TARS3: variants seen among roughly 807,000 people sequenced by gnomAD.
The protein encoded by TARS3 is threonyl-tRNA synthetase 3.
In TARS3, 94 loss-of-function variants were observed where a neutral mutation model predicts 103.5. That is an observed-to-expected ratio of 0.91 (90% CI 0.77 to 1.08). The LOEUF is 1.08. TARS3 is among the 50% of genes least tolerant of loss of function. The pLI, the probability that TARS3 is intolerant of heterozygous loss-of-function variation, is 0.00. For synonymous variants in TARS3, 416 were observed against 355.4 expected (o/e 1.17, Z -1.92); for missense variants, 952 against 995.2 (o/e 0.96, Z 0.58).
chr15:101,721,160 T>C lies in TARS3; in HGVS notation c.532A>G (p.Lys178Glu), dbSNP rs1232526295. The change falls in exon 3 of 19, where the codon AAA (lysine) becomes GAA (glutamate). Residue 178 changes from lysine to glutamate, a missense_variant. Transcript: ENST00000335968. ...DGQTVQGEVW[K>E]TTPYQVAAEI... ...GCAGCCACTTGGTAAGGCGTTGTTT[T>C]CCAGACTTCCCCTTGCACTGTTTGC... 6.2e-7 allele frequency: 1 copy of C among 1,604,302 alleles called. No homozygotes were observed. Among genetic ancestry groups the C allele is most frequent in the Admixed American group, 1.7e-5 (1 of 59,888 alleles).
chr15:101,715,028 A>C lies in TARS3; in HGVS notation c.567-65T>G, dbSNP rs894143037. 5 of 1,469,350 alleles carry C rather than the reference A, an allele frequency of 3.4e-6. No individual in the cohort carries two copies. In the African/African-American group the frequency reaches 5.7e-5, roughly 17 times the overall value. The allele number at this position is 1,469,350 out of a possible 1,614,324, so 91.0% of individuals were successfully genotyped here. A position where few individuals can be genotyped will look rare whatever the true frequency, so the allele number is the denominator to read the frequency against. ...TGTTACAATGATTCCTTAAAATATTAAAAGAATTTCTAGGGTTTTTTTTTT... is the reference window on the plus strand; with the variant it reads ...TGTTACAATGATTCCTTAAAATATTCAAAGAATTTCTAGGGTTTTTTTTTT... On this transcript the variant is annotated intron_variant, in intron 3 of 18. Transcript: ENST00000335968.
At position 101,714,864 on chromosome 15, in the gene TARS3, T is replaced by C. The variant is rs761802661; in HGVS notation, c.666A>G (p.Thr222=). The change falls in exon 4 of 19, where the codon ACA becomes ACG. Residue 222 remains threonine (T), a synonymous_variant. Coordinates refer to ENST00000335968, the MANE Select transcript of TARS3 (RefSeq NM_152334.3). ...CAGCTTGAGCTTCCTCATTATCAAA[T>C]GTAAGCAGCTCTAGAGAAGAGTCCC... ...LEGDSSLELL[T]FDNEEAQAVY... 7.5e-6 allele frequency: 12 copies of C among 1,610,576 alleles called. 1 individual carries two copies. In the South Asian group the frequency reaches 1.2e-4, roughly 16 times the overall value.
intron 10 of TARS3, among the ~76,000 whole-genome samples, chr15:101,687,528 T>C (rs781334686): frequency 1.3e-5 from 2 of 152,042 alleles, no homozygotes; most frequent in Non-Finnish European, 2.9e-5. Flanking sequence ...AGTGTGTGGG[T>C]GTGTGTGTGG....
chr15:101,690,211 G>A (rs538169668), intron 10 of TARS3, among the ~76,000 whole-genome samples: 1 of 152,188 alleles, frequency 6.6e-6, no homozygotes, highest in African/African-American at 2.4e-5. Context: ...CCTCATCTTG[G>A]CCCATTTTCC....
At chr15:101,717,815 T>C (rs549469306) in intron 3 of TARS3, among the ~76,000 whole-genome samples, 58 of 152,352 alleles carry the variant, frequency 3.8e-4, no homozygotes, top group South Asian at 2.9e-3. Context: ...TTTGACCATA[T>C]TCAAGCGACT....
intron 13 of TARS3, among the ~76,000 whole-genome samples, chr15:101,674,418 T>C (rs1320534933): frequency 6.6e-6 from 1 of 152,164 alleles, no homozygotes; most frequent in East Asian, 1.9e-4. Context: ...AAATCTTCTA[T>C]CCATTGGGTA....
At position 101,724,459 on chromosome 15, in the gene TARS3, C is replaced by A. The variant is rs556054057; in HGVS notation, c.-72G>T. On this transcript the variant is annotated 5_prime_UTR_variant, in exon 1 of 19. Transcript: ENST00000335968. ...CGGCGAGGGCGACGCGGACACTCAG[C>A]GCACGGCAGAAGACAGGGCTCCCGG... The A allele has an allele frequency of 3.2e-5, 43 of 1,350,172 alleles. No homozygotes were observed. The East Asian group carries it at 1.1e-3, about 36-fold the overall frequency. 83.6% of individuals were successfully genotyped at this position (1,350,172 alleles called of 1,614,324 possible).
At chr15:101,710,277 T>C (rs1420887566) in intron 5 of TARS3, among the ~76,000 whole-genome samples, 2 of 152,172 alleles carry the variant, frequency 1.3e-5, no homozygotes, top group Admixed American at 6.5e-5. Context: ...AGGCTGTTCA[T>C]CTCTATCCTT....
chr15:101,671,507 C>T lies in TARS3; in HGVS notation c.1946G>A (p.Arg649Lys). The change falls in exon 15 of 19, where the codon AGA becomes AAA. Residue 649 changes from arginine (R) to lysine (K), a missense_variant. Around this residue, in one of 2 missense-constraint regions of TARS3, gnomAD observed 540 missense variants for 631.0 expected, o/e 0.86. Transcript: ENST00000335968. ...TIQLDFQLPI[R>K]FNLTYVSKDG... ...TCACCTAACATATGTGAGATTAAAT[C>T]TAATAGGCAGTTGGAAGTCCAGCTG... is the stretch of plus-strand genomic sequence containing the variant. 1 of 1,609,068 alleles carries T rather than the reference C, an allele frequency of 6.2e-7. No homozygotes were observed. The highest frequency in any genetic ancestry group is 8.5e-7 in the Non-Finnish European group (1 of 1,175,732).
intron 15 of TARS3, among the ~76,000 whole-genome samples, chr15:101,664,689 C>T (rs1418328244): frequency 1.3e-5 from 2 of 152,196 alleles, no homozygotes; most frequent in Non-Finnish European, 2.9e-5. Context: ...CATCTCATAA[C>T]ATAATATTCA....
At position 101,711,991 on chromosome 15, in the gene TARS3, T is replaced by C; in HGVS notation, c.701A>G (p.His234Arg). The C allele has an allele frequency of 6.2e-7, 1 of 1,612,996 alleles. No homozygotes were observed. The highest frequency in any genetic ancestry group is 1.1e-5 in the South Asian group (1 of 90,926). The stretch of plus-strand genomic sequence containing the variant: ...CTCCCCAAGAATGTGAGCACTGGAG[T>C]GCCAGTACACCTGCATGGCATGGAC... ...DNEEAQAVYW[H>R]SSAHILGEAM... Residue 234 changes from histidine to arginine, a missense_variant, in exon 5 of 19, where the codon CAC becomes CGC. This residue lies in a region of TARS3 where 412 missense variants were observed against 364.2 expected (regional missense o/e 1.13). Coordinates refer to ENST00000335968, the MANE Select transcript of TARS3 (RefSeq NM_152334.3).
intron 3 of TARS3, among the ~76,000 whole-genome samples, chr15:101,716,069 T>G (rs1322673059): frequency 2.6e-5 from 4 of 151,852 alleles, no homozygotes; most frequent in African/African-American, 9.7e-5. Flanking sequence ...CAGGCTGGAG[T>G]GCAGTGGTGC....
At position 101,712,443 on chromosome 15, in the gene TARS3, T is replaced by C. The variant is rs745422904; in HGVS notation, c.691-442A>G. On this transcript the variant is annotated intron_variant, in intron 4 of 18. Coordinates refer to ENST00000335968, the MANE Select transcript of TARS3 (RefSeq NM_152334.3). ...CTGAGCTGGACACAGAGCACTGAAG[T>C]GTTCCTGACACCACTACAGTTAACG... Among the ~76,000 whole-genome samples, 22 of 152,334 alleles carry C rather than the reference T, an allele frequency of 1.4e-4. No individual in the cohort carries two copies. The Middle Eastern group carries it at 0.01, about 71-fold the overall frequency.
intron 15 of TARS3, among the ~76,000 whole-genome samples, chr15:101,668,457 A>G (rs926644445): frequency 1.3e-5 from 2 of 152,182 alleles, no homozygotes; most frequent in Non-Finnish European, 2.9e-5. Flanking sequence ...TAAAATTATA[A>G]GAGTAATATC....
At chr15:101,701,418 T>C (rs762953551) in intron 9 of TARS3, among the ~76,000 whole-genome samples, 1 of 152,246 alleles carries the variant, frequency 6.6e-6, no homozygotes, top group Non-Finnish European at 1.5e-5. Flanking sequence ...CTGCGAATTT[T>C]CTTACTTGGC....
chr15:101,720,731 A>C (rs1300913682), intron 3 of TARS3, among the ~76,000 whole-genome samples: 1 of 151,970 alleles, frequency 6.6e-6, no homozygotes, highest in African/African-American at 2.4e-5. Context: ...CATAATCCCC[A>C]CGTTTTGTGG....
At chr15:101,679,350 T>C (rs533961505) in intron 12 of TARS3, among the ~76,000 whole-genome samples, 4 of 152,328 alleles carry the variant, frequency 2.6e-5, no homozygotes, top group South Asian at 4.1e-4. Flanking sequence ...GTTTTTCAGA[T>C]TGTGTAATTT....
chr15:101,714,914 A>G lies in TARS3; in HGVS notation c.616T>C (p.Trp206Arg), dbSNP rs1168457835. The G allele has an allele frequency of 6.8e-6, 11 of 1,613,322 alleles. No individual in the cohort carries two copies. Among genetic ancestry groups the G allele is most frequent in the Non-Finnish European group, 9.3e-6 (11 of 1,179,524 alleles). ...CCTTCCAATGGGCGGTCCAGGTCCC[A>G]CAGTTCACCATTGACTTTGGCTATT... Reference protein sequence around the residue: ...TVIAKVNGELWDLDRPLEGDS... With the variant: ...TVIAKVNGELRDLDRPLEGDS... The change falls in exon 4 of 19, where the codon TGG (tryptophan) becomes CGG (arginine). Residue 206 changes from tryptophan (W) to arginine (R), a missense_variant. Coordinates refer to ENST00000335968, the MANE Select transcript of TARS3 (RefSeq NM_152334.3).
intron 10 of TARS3, among the ~76,000 whole-genome samples, chr15:101,694,258 G>A (rs952218570): frequency 3.3e-5 from 5 of 152,160 alleles, no homozygotes; most frequent in Non-Finnish European, 7.3e-5. Context: ...CCCTCAGTGG[G>A]AGCAGTGTGC....
Sources: allele counts gnomAD v4.1 joint callset (sites outside exome capture counted in the v4.1 genomes callset), GRCh38; gene constraint gnomAD v4.1.1; regional missense constraint gnomAD v4.1.1; transcripts MANE v1.5; gene names NCBI Gene and HGNC (gene_info 2026-07-23, HGNC 2026-07-21).